The following PTPRN2 variants were observed in gnomAD, a reference collection of about 807,000 sequenced individuals.
PTPRN2 encodes the protein receptor-type tyrosine-protein phosphatase N2.
A neutral mutation model predicts 118.8 loss-of-function variants in PTPRN2; 74 were observed. The ratio of observed to expected loss-of-function variants is 0.62; its 90% CI spans 0.52 to 0.76. PTPRN2 has a LOEUF of 0.76. Among genes scored for constraint, PTPRN2 ranks in the 30% least tolerant of loss-of-function variants. The pLI, the probability that PTPRN2 is intolerant of heterozygous loss-of-function variation, is 0.00. For synonymous variants in PTPRN2, 641 were observed against 608.0 expected (o/e 1.05, Z -0.80); for missense variants, 1,481 against 1,394.4 (o/e 1.06, Z -0.99).
In PTPRN2 at chr7:158,485,049, G is replaced by A. The variant is rs959682417; in HGVS notation, c.163+4686C>T. On this transcript the variant is annotated intron_variant, in intron 2 of 22. Coordinates refer to ENST00000389418, the MANE Select transcript of PTPRN2 (RefSeq NM_002847.5). ...CCGCCAGCGTCCCGGGAGGGCACCT[G>A]CGGAGGGAAGGCAGACACCCTGCAA... is the stretch of plus-strand genomic sequence containing the variant. 3.9e-5 allele frequency among the ~76,000 whole-genome samples: 6 copies of A among 152,068 alleles called. No individual in the cohort carries two copies. The East Asian group carries it at 1.2e-3, about 30-fold the overall frequency.
chr7:158,282,178 C>CTTTT (rs5888743), intron 3 of PTPRN2, among the ~76,000 whole-genome samples: 1 of 142,108 alleles, frequency 7.0e-6, no homozygotes. Flanking sequence ...GTGGCTCTGC[C>CTTTT]TTTTTTTTTT....
intron 21 of PTPRN2, among the ~76,000 whole-genome samples, chr7:157,565,849 C>T (rs932367249): frequency 1.3e-5 from 2 of 152,180 alleles, no homozygotes; most frequent in Admixed American, 6.5e-5. Flanking sequence ...CCTACACAAT[C>T]GTCTATTATC....
Position 158,544,447 on chromosome 7 carries a change from C to T in PTPRN2, c.112+43111G>A, listed in dbSNP as rs1344969597. On this transcript the variant is annotated intron_variant, in intron 1 of 22. Coordinates refer to ENST00000389418, the MANE Select transcript of PTPRN2 (RefSeq NM_002847.5). The surrounding 1 kb of genome is among the most constrained non-coding windows in gnomAD (Gnocchi z 4.2). ...GGTCAGGAGTTTGAGACCAGCCTGG[C>T]CAACATAGTGAAACCCTGTCTCTAA... Among the ~76,000 whole-genome samples the T allele has an allele frequency of 6.6e-6, 1 of 152,032 alleles. No individual in the cohort carries two copies. Among genetic ancestry groups the T allele is most frequent in the African/African-American group, 2.4e-5 (1 of 41,374 alleles).
intron 2 of PTPRN2, among the ~76,000 whole-genome samples, chr7:158,473,776 A>G (rs1026400908): frequency 7.9e-4 from 107 of 135,992 alleles, no homozygotes; most frequent in Non-Finnish European, 3.1e-4. Flanking sequence ...TTGGGGGGAA[A>G]AAAACATTTT....
chr7:158,333,857 C>T (rs1340631197), intron 2 of PTPRN2, among the ~76,000 whole-genome samples: 460 of 142,588 alleles, frequency 3.2e-3, no homozygotes, highest in African/African-American at 0.012. Flanking sequence ...CTGACACCCG[C>T]AGACGTCACT....
Position 158,271,516 on chromosome 7 carries a change from C to T in PTPRN2, c.277+45303G>A, listed in dbSNP as rs778366220. Among the ~76,000 whole-genome samples the T allele has an allele frequency of 8.9e-4, 135 of 152,176 alleles. 3 individuals are homozygous for T. The highest frequency in any genetic ancestry group is 9.1e-4 in the Non-Finnish European group (62 of 68,044). On this transcript the variant is annotated intron_variant, in intron 3 of 22. Transcript: ENST00000389418. Reference sequence around the variant, plus strand: ...CTCAGCAGAGTCCACATGCACGGGACGGGGGCAACACAGCCAAGCCCCATG... The same window carrying T: ...CTCAGCAGAGTCCACATGCACGGGATGGGGGCAACACAGCCAAGCCCCATG...
At position 158,146,866 on chromosome 7, in the gene PTPRN2, C is replaced by A. The variant is rs980221842; in HGVS notation, c.911-8351G>T. On this transcript the variant is annotated intron_variant, in intron 6 of 22. Transcript: ENST00000389418. ...AGACTTGACCAATGGATAGAACAAG[C>A]AAACAGTTTACAGGGAAAATACACC... Among the ~76,000 whole-genome samples the A allele has an allele frequency of 3.3e-5, 5 of 151,972 alleles. 1 individual carries two copies. The highest frequency in any genetic ancestry group is 1.2e-4 in the African/African-American group (5 of 41,322).
chr7:157,622,163 T>C lies in PTPRN2; in HGVS notation c.2197-654A>G, dbSNP rs945712257. ...ACTCGGTTCTTATTCATCTGTACCG[T>C]TGAGAACAAGCCCTGATTTTAAGAA... On this transcript the variant is annotated intron_variant, in intron 14 of 22. Coordinates refer to ENST00000389418, the MANE Select transcript of PTPRN2 (RefSeq NM_002847.5). The surrounding 1 kb of genome is among the most constrained non-coding windows in gnomAD (Gnocchi z 5.3). Among the ~76,000 whole-genome samples, 4 of 152,028 alleles carry C rather than the reference T, an allele frequency of 2.6e-5. No individual in the cohort carries two copies. Among genetic ancestry groups the C allele is most frequent in the African/African-American group, 9.7e-5 (4 of 41,390 alleles).
At chr7:157,938,550 A>AG (rs896944414) in intron 11 of PTPRN2, among the ~76,000 whole-genome samples, 26 of 152,216 alleles carry the variant, frequency 1.7e-4, no homozygotes, top group Non-Finnish European at 2.9e-4. Context: ...CTGTCTGCTC[A>AG]GGGTCACACA....
At chr7:158,245,937 G>T (rs1018610310) in intron 3 of PTPRN2, among the ~76,000 whole-genome samples, 1 of 151,958 alleles carries the variant, frequency 6.6e-6, no homozygotes, top group Non-Finnish European at 1.5e-5. Context: ...ACACTGGAAA[G>T]CTGCTCTTAC....
chr7:157,873,503 G>A (rs950852050), intron 12 of PTPRN2, among the ~76,000 whole-genome samples: 14 of 151,350 alleles, frequency 9.3e-5, no homozygotes, highest in Non-Finnish European at 1.5e-4. Context: ...CCGTCTCGCC[G>A]TGGGGGCCGG....
intron 2 of PTPRN2, among the ~76,000 whole-genome samples, chr7:158,356,252 A>C (rs758517752): frequency 2.0e-5 from 3 of 152,132 alleles, no homozygotes; most frequent in Non-Finnish European, 2.9e-5. Flanking sequence ...CCAACAAGTC[A>C]CTCATTTCCC....
At chr7:158,136,458 G>C (rs191907036) in intron 8 of PTPRN2, among the ~76,000 whole-genome samples, 197 bp downstream of exon 8, 2 of 152,170 alleles carry the variant, frequency 1.3e-5, no homozygotes, top group African/African-American at 4.8e-5. Flanking sequence ...AATTTGAAAA[G>C]AGATATTTCG....
intron 3 of PTPRN2, among the ~76,000 whole-genome samples, chr7:158,307,722 A>G (rs982449137): frequency 6.6e-6 from 1 of 152,196 alleles, no homozygotes; most frequent in Non-Finnish European, 1.5e-5. Context: ...TATGGACTAG[A>G]TATTTGTCCC....
intron 1 of PTPRN2, among the ~76,000 whole-genome samples, chr7:158,514,100 C>T (rs1383825198): frequency 6.6e-6 from 1 of 152,180 alleles, no homozygotes; most frequent in African/African-American, 2.4e-5. Context: ...AGCCTACAAC[C>T]CTCAATCAGT....
chr7:158,476,660 G>A (rs931409948), intron 2 of PTPRN2, among the ~76,000 whole-genome samples: 6 of 152,262 alleles, frequency 3.9e-5, no homozygotes, highest in Non-Finnish European at 7.3e-5. Flanking sequence ...TTCTCCGCCT[G>A]AGGCTGCCAG....
intron 12 of PTPRN2, among the ~76,000 whole-genome samples, chr7:157,873,066 C>T (rs1169043062): frequency 2.0e-5 from 3 of 152,362 alleles, no homozygotes; most frequent in Admixed American, 6.5e-5. Context: ...TGCCCCTGGC[C>T]GTGTATGTCC....
chr7:158,355,681 C>G (rs1808335659), intron 2 of PTPRN2, among the ~76,000 whole-genome samples: 1 of 152,146 alleles, frequency 6.6e-6, no homozygotes, highest in South Asian at 2.1e-4. Context: ...CTGGACTCTG[C>G]AGAACTACAC....
intron 3 of PTPRN2, among the ~76,000 whole-genome samples, chr7:158,243,788 C>G (rs1333600297): frequency 2.0e-5 from 2 of 98,694 alleles, no homozygotes; most frequent in African/African-American, 6.7e-5. Flanking sequence ...GCACTAGTCA[C>G]TACTATATAT....
Sources: gnomAD v4.1 joint callset for allele counts (sites outside exome capture counted in the v4.1 genomes callset) on GRCh38, gnomAD v4.1.1 for gene constraint, Gnocchi (gnomAD v3.1) non-coding constraint, MANE v1.5 for transcripts, NCBI Gene and HGNC (gene_info 2026-07-23, HGNC 2026-07-21) for gene names.